Variants in MAP1B observed in about 807,000 individuals in gnomAD.
MAP1B encodes microtubule-associated protein 1B.
Under a neutral mutation model 176.1 loss-of-function variants are expected in MAP1B, and 12 were observed. The observed-to-expected ratio is 0.07, with a 90% CI of 0.04 to 0.11. The LOEUF is 0.11. Among genes scored for constraint, MAP1B ranks in the 10% least tolerant of loss-of-function variants. The pLI, the probability that MAP1B is intolerant of heterozygous loss-of-function variation, is 1.00. For missense variants in MAP1B, 2,523 were observed against 2,990.5 expected (o/e 0.84, Z 3.65); for synonymous variants, 1,044 against 1,135.0 (o/e 0.92, Z 1.61).
At chr5:72,193,736 A>T (rs1483052968) in intron 4 of MAP1B, 130 bp from the exon 5 acceptor site, 1 of 971,230 alleles carries the variant, frequency 1.0e-6, no homozygotes, top group Admixed American at 3.0e-5. Flanking sequence ...TCACTATGAG[A>T]GTGCATGTCT....
At position 72,203,738 on chromosome 5, in the gene MAP1B, G is replaced by A. The variant is rs780394617; in HGVS notation, c.7188G>A (p.Glu2396=). 12 of 1,613,668 alleles carry A rather than the reference G, an allele frequency of 7.4e-6. No homozygotes were observed. Among genetic ancestry groups the A allele is most frequent in the Non-Finnish European group, 8.5e-6 (10 of 1,179,994 alleles). ...GTGGGAATGACCCTGCTGCTGAGGA[G>A]CCCAGCCGGGCTGTCCTGGACGCTT... The part of the protein sequence containing the change: ...VVSGNDPAAE[E]PSRAVLDALL... The change falls in exon 6 of 7, where the codon GAG becomes GAA. Residue 2396 remains glutamate, a synonymous_variant. Coordinates refer to ENST00000296755, the MANE Select transcript of MAP1B (RefSeq NM_005909.5).
intron 2 of MAP1B, among the ~76,000 whole-genome samples, chr5:72,139,923 A>G (rs1034914661): frequency 6.6e-6 from 1 of 152,170 alleles, no homozygotes; most frequent in Non-Finnish European, 1.5e-5. Flanking sequence ...AACCTTAAAG[A>G]CAAACATATT....
chr5:72,145,386 A>C (rs1336669737), intron 2 of MAP1B, among the ~76,000 whole-genome samples: 1 of 151,542 alleles, frequency 6.6e-6, no homozygotes, highest in Non-Finnish European at 1.5e-5. Context: ...AAAAAAAAAA[A>C]GAGGGAACCG....
intron 6 of MAP1B, 48 bp from the exon 7 acceptor site, chr5:72,205,035 GT>G (rs1367260612): frequency 1.3e-6 from 2 of 1,514,816 alleles, no homozygotes; most frequent in East Asian, 4.6e-5. Context: ...TTTTCATATG[GT>G]TTCTGTTTCT....
chr5:72,172,459 C>CA (rs1253385503), intron 2 of MAP1B, among the ~76,000 whole-genome samples: 3 of 151,784 alleles, frequency 2.0e-5, no homozygotes, highest in Admixed American at 6.6e-5. Context: ...AGCCAAATAC[C>CA]AAAAAAGACT....
intron 2 of MAP1B, among the ~76,000 whole-genome samples, chr5:72,132,894 A>G (rs1745760489): frequency 6.6e-6 from 1 of 152,024 alleles, no homozygotes; most frequent in African/African-American, 2.4e-5. Context: ...TCCTTCCTGT[A>G]TAAGAAGGAG....
intron 1 of MAP1B, among the ~76,000 whole-genome samples, chr5:72,113,695 C>T (rs1579978291): frequency 6.6e-6 from 1 of 152,172 alleles, no homozygotes; most frequent in Non-Finnish European, 1.5e-5. Context: ...AACTTATTGA[C>T]CCAGCTTGAC....
Position 72,144,884 on chromosome 5 carries a change from T to C in MAP1B, c.286+29085T>C, listed in dbSNP as rs557977678. Among the ~76,000 whole-genome samples the C allele has an allele frequency of 3.3e-5, 5 of 152,304 alleles. No homozygotes were observed. The South Asian group carries it at 1.0e-3, about 32-fold the overall frequency. Reference sequence around the variant, plus strand: ...AGGCTGCGTGGGAGAGGTACTAGAATGCACTCCTTCTTATAACTGAAACAC... The same window carrying C: ...AGGCTGCGTGGGAGAGGTACTAGAACGCACTCCTTCTTATAACTGAAACAC... On this transcript the variant is annotated intron_variant, in intron 2 of 6. Coordinates refer to ENST00000296755, the MANE Select transcript of MAP1B (RefSeq NM_005909.5).
Position 72,173,544 on chromosome 5 carries a change from T to C in MAP1B, c.287-10199T>C, listed in dbSNP as rs963667847. Among the ~76,000 whole-genome samples, 6 of 152,230 alleles carry C rather than the reference T, an allele frequency of 3.9e-5. No individual in the cohort carries two copies. In the South Asian group the frequency reaches 6.2e-4, roughly 16 times the overall value. On this transcript the variant is annotated intron_variant, in intron 2 of 6. Transcript: ENST00000296755. ...CAAGAAAGTCAGGTCTAATTAACCA[T>C]GTGAAAGTGGCTTTTTTGTGGTAAA...
intron 2 of MAP1B, among the ~76,000 whole-genome samples, chr5:72,131,404 G>T (rs959624486): frequency 2.6e-5 from 4 of 152,004 alleles, no homozygotes; most frequent in African/African-American, 9.7e-5. Context: ...TATAGAGTAC[G>T]CAGATTTATC....
Position 72,197,457 on chromosome 5 carries a change from G to A in MAP1B, c.4102G>A (p.Ala1368Thr). 6.2e-7 allele frequency: 1 copy of A among 1,614,180 alleles called. No individual in the cohort carries two copies. The highest frequency in any genetic ancestry group is 1.1e-5 in the South Asian group (1 of 91,078). ...TCCAGTGAGTTTTGAATTCAGTGAT[G>A]CCAAAGATGAGAATGAAAGGGCTTC... Reference protein sequence around the residue: ...AVPVSFEFSDAKDENERASVS... With the variant: ...AVPVSFEFSDTKDENERASVS... The change falls in exon 5 of 7, where the codon GCC (alanine) becomes ACC (threonine). Residue 1368 changes from alanine to threonine, a missense_variant. This residue lies in a region of MAP1B where 1,925 missense variants were observed against 2,126.0 expected (regional missense o/e 0.91). Transcript: ENST00000296755.
At chr5:72,149,247 A>AT (rs1296858832) in intron 2 of MAP1B, among the ~76,000 whole-genome samples, 3 of 152,224 alleles carry the variant, frequency 2.0e-5, no homozygotes, top group African/African-American at 7.2e-5. Flanking sequence ...CGTTTTTGCC[A>AT]TTTAATGTAG....
intron 2 of MAP1B, among the ~76,000 whole-genome samples, chr5:72,162,558 G>C (rs368419690): frequency 6.6e-6 from 1 of 152,020 alleles, no homozygotes; most frequent in South Asian, 2.1e-4. Flanking sequence ...TGCAGTTACA[G>C]GTATCATTTT....
At position 72,129,872 on chromosome 5, in the gene MAP1B, T is replaced by C. The variant is rs192659127; in HGVS notation, c.286+14073T>C. ...TAGTTATACAAATTATTAGACAATG[T>C]CTTATCTTTATTTTATTGTTTTACA... is the stretch of plus-strand genomic sequence containing the variant. On this transcript the variant is annotated intron_variant, in intron 2 of 6. Transcript: ENST00000296755. Among the ~76,000 whole-genome samples, 149 of 152,348 alleles carry C rather than the reference T, an allele frequency of 9.8e-4. 1 individual carries two copies. The highest frequency in any genetic ancestry group is 3.4e-3 in the African/African-American group (141 of 41,600).
chr5:72,163,386 G>A (rs1746364062), intron 2 of MAP1B, among the ~76,000 whole-genome samples: 1 of 152,140 alleles, frequency 6.6e-6, no homozygotes, highest in African/African-American at 2.4e-5. Context: ...AAGGGAGGAT[G>A]TGTGATTGCC....
intron 2 of MAP1B, among the ~76,000 whole-genome samples, chr5:72,175,587 AC>A (rs1435062032): frequency 1.3e-5 from 2 of 152,168 alleles, no homozygotes; most frequent in African/African-American, 4.8e-5. Flanking sequence ...TTTCACCTTA[AC>A]CCTTGATATC....
At position 72,196,389 on chromosome 5, in the gene MAP1B, G is replaced by A. The variant is rs1444518363; in HGVS notation, c.3034G>A (p.Glu1012Lys). 2 of 1,613,956 alleles carry A rather than the reference G, an allele frequency of 1.2e-6. No homozygotes were observed. Among genetic ancestry groups the A allele is most frequent in the Non-Finnish European group, 1.7e-6 (2 of 1,180,040 alleles). ...CATGGATGAGGCCATTGAGAAAGGAGAGGCTGAACAATCTGAAGAGGAGGC... is the reference window on the plus strand; with the variant it reads ...CATGGATGAGGCCATTGAGAAAGGAAAGGCTGAACAATCTGAAGAGGAGGC... ...EDMDEAIEKG[E>K]AEQSEEEADE... Residue 1012 changes from glutamate (E) to lysine (K), a missense_variant, in exon 5 of 7, where the codon GAG becomes AAG. Transcript: ENST00000296755. This position sits in a 1 kb window ranked among gnomAD's most constrained non-coding sequence, Gnocchi z 5.3.
At chr5:72,151,560 G>A (rs892945717) in intron 2 of MAP1B, among the ~76,000 whole-genome samples, 1 of 152,234 alleles carries the variant, frequency 6.6e-6, no homozygotes, top group Non-Finnish European at 1.5e-5. Flanking sequence ...AGATGAACAA[G>A]GATGATTGTC....
Position 72,152,810 on chromosome 5 carries a change from T to A in MAP1B, c.287-30933T>A, listed in dbSNP as rs72779280. On this transcript the variant is annotated intron_variant, in intron 2 of 6. Coordinates refer to ENST00000296755, the MANE Select transcript of MAP1B (RefSeq NM_005909.5). ...AATAATTTTTGTTCAGAAGTACTGT[T>A]GTGAGTGAGGAGAACATTGTGCAGC... is the stretch of plus-strand genomic sequence containing the variant. Among the ~76,000 whole-genome samples the A allele has an allele frequency of 1.2e-3, 186 of 152,252 alleles. 1 individual carries two copies. Among genetic ancestry groups the A allele is most frequent in the Middle Eastern group, 0.01 (3 of 294 alleles).
Sources: allele counts gnomAD v4.1 joint callset (sites outside exome capture counted in the v4.1 genomes callset), GRCh38; gene constraint gnomAD v4.1.1; regional missense constraint gnomAD v4.1.1; non-coding constraint Gnocchi (gnomAD v3.1); transcripts MANE v1.5; gene names NCBI Gene and HGNC (gene_info 2026-07-23, HGNC 2026-07-21).